The following SLC9D1 variants were observed in gnomAD, a reference collection of about 807,000 sequenced individuals.
SLC9D1 encodes putative LAG1-interacting protein.
At chr13:113,498,590 A>G in the SLC9D1 span, 1 of 1,257,446 alleles carries the variant, frequency 8.0e-7, no homozygotes, top group South Asian at 1.5e-5. Context: ...ATGTTGTTGA[A>G]ATTGTTCACG....
the SLC9D1 span, among the ~76,000 whole-genome samples, chr13:113,491,968 G>A: frequency 2.6e-5 from 4 of 152,206 alleles, no homozygotes; most frequent in African/African-American, 9.7e-5. Flanking sequence ...TGAAATATTT[G>A]TAGTTTTTTT....
the SLC9D1 span, among the ~76,000 whole-genome samples, chr13:113,544,687 C>T: frequency 3.9e-5 from 6 of 152,382 alleles, no homozygotes; most frequent in South Asian, 2.1e-4. Flanking sequence ...CATGCCTGCT[C>T]CACAGATGGT....
the SLC9D1 span, chr13:113,502,022 C>G: frequency 1.5e-6 from 1 of 685,112 alleles, no homozygotes. Context: ...TCAGGTGTCA[C>G]GGGAAGTCTC....
the SLC9D1 span, among the ~76,000 whole-genome samples, chr13:113,541,223 A>G: frequency 5.9e-5 from 9 of 151,924 alleles, no homozygotes; most frequent in African/African-American, 2.2e-4. Context: ...AGATTATGCC[A>G]CGCACACGAT....
chr13:113,521,050 C>T, the SLC9D1 span, among the ~76,000 whole-genome samples: 7 of 151,968 alleles, frequency 4.6e-5, no homozygotes, highest in South Asian at 6.2e-4. Context: ...ATGTCCAGAA[C>T]GTAATAAGTG....
the SLC9D1 span, among the ~76,000 whole-genome samples, chr13:113,549,209 G>A: frequency 5.9e-5 from 9 of 152,058 alleles, no homozygotes; most frequent in African/African-American, 2.2e-4. Context: ...TGATGTGCAG[G>A]CGTCCCTCCC....
chr13:113,536,941 G>A, the SLC9D1 span, among the ~76,000 whole-genome samples: 1 of 152,106 alleles, frequency 6.6e-6, no homozygotes, highest in Non-Finnish European at 1.5e-5. Flanking sequence ...CCGTGAGCAC[G>A]CCGTGCCCCA....
At chr13:113,513,497 AG>A in the SLC9D1 span, among the ~76,000 whole-genome samples, 179 of 152,296 alleles carry the variant, frequency 1.2e-3, no homozygotes, top group African/African-American at 4.0e-3. Flanking sequence ...GATAGTAAGA[AG>A]ATAGGAGGGT....
the SLC9D1 span, among the ~76,000 whole-genome samples, chr13:113,526,442 A>G: frequency 6.6e-6 from 1 of 152,184 alleles, no homozygotes; most frequent in African/African-American, 2.4e-5. Flanking sequence ...ACAGTTGGCC[A>G]GGTGTGGTGG....
chr13:113,503,447 A>C, the SLC9D1 span: 2 of 1,449,416 alleles, frequency 1.4e-6, no homozygotes, highest in Non-Finnish European at 1.9e-6. Flanking sequence ...AAGTATACTT[A>C]ATATGTTAAA....
At chr13:113,525,924 A>C in the SLC9D1 span, among the ~76,000 whole-genome samples, 1 of 152,040 alleles carries the variant, frequency 6.6e-6, no homozygotes. Context: ...GTCGTAGGAG[A>C]CGACAGCTCT....
the SLC9D1 span, among the ~76,000 whole-genome samples, chr13:113,495,219 C>G: frequency 6.6e-6 from 1 of 151,964 alleles, no homozygotes; most frequent in Non-Finnish European, 1.5e-5. Flanking sequence ...GGTAGAGATA[C>G]GAGGCTGCGT....
chr13:113,502,000 A>C, the SLC9D1 span: 1 of 796,090 alleles, frequency 1.3e-6, no homozygotes. Flanking sequence ...AAACCATTTC[A>C]AAGATGTCCT....
At chr13:113,526,073 G>A in the SLC9D1 span, among the ~76,000 whole-genome samples, 2 of 152,108 alleles carry the variant, frequency 1.3e-5, no homozygotes, top group Admixed American at 6.5e-5. Flanking sequence ...CGTCGTCGTA[G>A]GAGACGACAG....
chr13:113,493,692 GCTT>G, the SLC9D1 span, among the ~76,000 whole-genome samples: 1 of 152,314 alleles, frequency 6.6e-6, no homozygotes, highest in East Asian at 1.9e-4. Flanking sequence ...TGTGGAGTGT[GCTT>G]CTCCTTTTGG....
chr13:113,493,880 G>C, the SLC9D1 span, among the ~76,000 whole-genome samples: 1 of 152,262 alleles, frequency 6.6e-6, no homozygotes. Flanking sequence ...TGGCCTCCAG[G>C]CTTTTTTAGT....
At chr13:113,525,958 C>A in the SLC9D1 span, among the ~76,000 whole-genome samples, 2 of 151,760 alleles carry the variant, frequency 1.3e-5, no homozygotes, top group Admixed American at 6.6e-5. Flanking sequence ...TAGAACAAGC[C>A]GTCGTCGTCG....
chr13:113,544,729 G>T, the SLC9D1 span, among the ~76,000 whole-genome samples: 104 of 152,344 alleles, frequency 6.8e-4, no homozygotes, highest in Non-Finnish European at 1.3e-3. Context: ...TGGCTCAGCC[G>T]CCATGGCCTG....
At chr13:113,537,900 CGTGCATGTGCATGTGTGTGTTCTTT>C in the SLC9D1 span, among the ~76,000 whole-genome samples, 3 of 151,962 alleles carry the variant, frequency 2.0e-5, no homozygotes, top group Non-Finnish European at 2.9e-5. Context: ...TGTGTGTGTG[CGTGCATGTGCATGTGTGTGTTCTTT>C]GTGCATGGCA....
Sources: gnomAD v4.1 joint callset for allele counts (sites outside exome capture counted in the v4.1 genomes callset) on GRCh38, gnomAD v4.1.1 for gene constraint, MANE v1.5 for transcripts, NCBI Gene and HGNC (gene_info 2026-07-23, HGNC 2026-07-21) for gene names.